The following SPOCK1 variants were observed in gnomAD, a reference collection of about 807,000 sequenced individuals.
SPOCK1 encodes testican-1.
In SPOCK1, 23 loss-of-function variants were observed where a neutral mutation model predicts 55.3. The observed-to-expected ratio is 0.42, with a 90% CI of 0.30 to 0.59. The LOEUF (loss-of-function observed/expected upper bound fraction) is 0.59, where lower values mean the gene tolerates loss of function less well. SPOCK1 is among the 20% of genes least tolerant of loss of function. The probability of loss-of-function intolerance (pLI) is 0.22; values close to 1 mark genes in which losing one functional copy is unlikely to be tolerated. For synonymous variants in SPOCK1, 226 were observed against 221.0 expected, an observed-to-expected ratio of 1.02 and a Z score of -0.20; for missense variants, 499 against 552.5, an observed-to-expected ratio of 0.90 and a Z score of 0.97.
chr5:137,071,005 CA>C (rs1410252923), intron 5 of SPOCK1, among the ~76,000 whole-genome samples: 2 of 143,800 alleles, frequency 1.4e-5, no homozygotes, highest in African/African-American at 2.5e-5. Context: ...ATATGTAGCT[CA>C]AAAGGCCAAT....
intron 2 of SPOCK1, among the ~76,000 whole-genome samples, chr5:137,433,548 G>A (rs1013879561): frequency 6.6e-6 from 1 of 152,166 alleles, no homozygotes; most frequent in African/African-American, 2.4e-5. Flanking sequence ...GCCCCATTTG[G>A]CTGCCAAAAC....
intron 8 of SPOCK1, among the ~76,000 whole-genome samples, chr5:136,986,397 CTAAAACT>C (rs1259862785): frequency 6.6e-6 from 1 of 152,092 alleles, no homozygotes; most frequent in East Asian, 1.9e-4. Context: ...GAACTCAAAC[CTAAAACT>C]ATCACTAGTC....
intron 2 of SPOCK1, among the ~76,000 whole-genome samples, chr5:137,405,164 G>C (rs916994606): frequency 5.3e-5 from 8 of 152,318 alleles, no homozygotes; most frequent in Middle Eastern, 3.4e-3. Context: ...GCAGAGATCA[G>C]AAGTTATTCT....
At chr5:137,059,705 G>A (rs902619941) in intron 6 of SPOCK1, among the ~76,000 whole-genome samples, 2 of 152,122 alleles carry the variant, frequency 1.3e-5, no homozygotes, top group Admixed American at 6.6e-5. Context: ...TGCAAATTAT[G>A]CATCTGACAA....
At chr5:137,040,525 T>C (rs1293593535) in intron 6 of SPOCK1, among the ~76,000 whole-genome samples, 2 of 152,184 alleles carry the variant, frequency 1.3e-5, no homozygotes, top group Non-Finnish European at 1.5e-5. Context: ...GCCTGAGACG[T>C]TTAGCAATAC....
At chr5:137,121,729 T>C (rs1005055515) in intron 4 of SPOCK1, among the ~76,000 whole-genome samples, 13 of 146,722 alleles carry the variant, frequency 8.9e-5, no homozygotes, top group Admixed American at 8.2e-4. Flanking sequence ...CCAGTATTCC[T>C]GGACATCATA....
In SPOCK1 at chr5:137,036,081, T is replaced by C. The variant is rs116508236; in HGVS notation, c.589+31634A>G. Among the ~76,000 whole-genome samples the C allele has an allele frequency of 7.0e-3, 1,062 of 152,258 alleles. 14 individuals carry two copies. Among genetic ancestry groups the C allele is most frequent in the African/African-American group, 0.025 (1,020 of 41,540 alleles). The stretch of plus-strand genomic sequence containing the variant: ...AGCTGGGCTTGCATAGGAAATCATA[T>C]GTCCCTGACAGCAAAAAAGGACTAA... On this transcript the variant is annotated intron_variant, in intron 6 of 10. Transcript: ENST00000394945.
At chr5:137,280,753 A>G (rs916319032) in intron 2 of SPOCK1, among the ~76,000 whole-genome samples, 1 of 152,250 alleles carries the variant, frequency 6.6e-6, no homozygotes, top group Non-Finnish European at 1.5e-5. Context: ...TCTAGGGGAA[A>G]GTTACATAGG....
chr5:137,241,664 C>T (rs1756284409), intron 3 of SPOCK1, among the ~76,000 whole-genome samples: 1 of 149,516 alleles, frequency 6.7e-6, no homozygotes, highest in South Asian at 2.1e-4. Flanking sequence ...CTCTGTCACC[C>T]CTTTTGCCCT....
intron 5 of SPOCK1, 143 bp from the exon 6 acceptor site, chr5:137,067,972 A>G: frequency 1.6e-6 from 1 of 608,426 alleles, no homozygotes; most frequent in Non-Finnish European, 2.9e-6. Flanking sequence ...GGTCTCAATT[A>G]CAGAATACTA....
chr5:137,488,351 T>C (rs1754103020), intron 2 of SPOCK1, among the ~76,000 whole-genome samples: 1 of 152,042 alleles, frequency 6.6e-6, no homozygotes, highest in African/African-American at 2.4e-5. Context: ...CACTCCAGCC[T>C]GGGCGACAGA....
intron 2 of SPOCK1, among the ~76,000 whole-genome samples, chr5:137,376,203 C>T (rs536707332): frequency 5.8e-4 from 89 of 152,292 alleles, no homozygotes; most frequent in Admixed American, 2.2e-3. Context: ...CCGGGATCCG[C>T]CCAGTTACAC....
chr5:137,139,980 C>A (rs1006949339), intron 4 of SPOCK1, among the ~76,000 whole-genome samples: 2 of 152,078 alleles, frequency 1.3e-5, no homozygotes, highest in African/African-American at 4.8e-5. Context: ...GCTTTAAGGA[C>A]CCTGAAGAAG....
chr5:137,425,963 GAA>G (rs33927619), intron 2 of SPOCK1, among the ~76,000 whole-genome samples: 21,098 of 108,924 alleles, frequency 0.19, 1,463 homozygotes, highest in Admixed American at 0.27. Context: ...GTACATTACA[GAA>G]AAAAAAAAAA....
chr5:137,461,797 A>T (rs910399197), intron 2 of SPOCK1, among the ~76,000 whole-genome samples: 6 of 152,206 alleles, frequency 3.9e-5, no homozygotes, highest in Admixed American at 6.5e-5. Context: ...AACTCAGATA[A>T]ATCAGAAGTA....
chr5:137,045,156 C>T (rs539853695), intron 6 of SPOCK1, among the ~76,000 whole-genome samples: 1,659 of 151,288 alleles, frequency 0.011, 25 homozygotes, highest in Middle Eastern at 0.024. Context: ...TAGGTATATA[C>T]CCAGTAATGG....
chr5:137,150,312 C>G (rs1416392654), intron 3 of SPOCK1, among the ~76,000 whole-genome samples: 1 of 152,164 alleles, frequency 6.6e-6, no homozygotes, highest in Non-Finnish European at 1.5e-5. Context: ...TAGAGCTGTA[C>G]TCTGCCTTGT....
chr5:137,398,760 T>TA (rs1323484232), intron 2 of SPOCK1, among the ~76,000 whole-genome samples: 1 of 152,346 alleles, frequency 6.6e-6, no homozygotes, highest in African/African-American at 2.4e-5. Flanking sequence ...AAGTGATCGA[T>TA]AAAATCTAAT....
chr5:137,239,969 C>T (rs1756252858), intron 3 of SPOCK1, among the ~76,000 whole-genome samples: 2 of 152,090 alleles, frequency 1.3e-5, no homozygotes, highest in African/African-American at 4.8e-5. Flanking sequence ...TAGCAAAATA[C>T]AAAATTGACT....
Sources: gnomAD v4.1 joint callset for allele counts (sites outside exome capture counted in the v4.1 genomes callset) on GRCh38, gnomAD v4.1.1 for gene constraint, MANE v1.5 for transcripts, NCBI Gene and HGNC (gene_info 2026-07-23, HGNC 2026-07-21) for gene names.